GNAZ: variants seen among roughly 807,000 people sequenced by gnomAD.
GNAZ encodes guanine nucleotide-binding protein G(z) subunit alpha.
A neutral mutation model predicts 25.4 loss-of-function variants in GNAZ; 3 were observed. The observed-to-expected ratio is 0.12, with a 90% CI of 0.05 to 0.30. The LOEUF (loss-of-function observed/expected upper bound fraction) is 0.30. Ranked by LOEUF, GNAZ falls within the 10% of genes least tolerant of loss-of-function variation. The pLI is 1.00. For synonymous variants in GNAZ, 211 were observed against 205.7 expected, an observed-to-expected ratio of 1.03 and a Z score of -0.22; for missense variants, 241 against 501.8, an observed-to-expected ratio of 0.48 and a Z score of 4.97.
chr22:23,121,208 C>G (rs2070016175), intron 2 of GNAZ, among the ~76,000 whole-genome samples: 1 of 152,226 alleles, frequency 6.6e-6, no homozygotes, highest in South Asian at 2.1e-4. Flanking sequence ...AGGCTGCTCA[C>G]TCCTCAGGAC....
intron 2 of GNAZ, among the ~76,000 whole-genome samples, chr22:23,118,491 G>A (rs910531217): frequency 3.7e-5 from 5 of 133,812 alleles, no homozygotes; most frequent in African/African-American, 7.8e-5. Flanking sequence ...CACCCCCCGC[G>A]GCTGCCTTGG....
intron 1 of GNAZ, among the ~76,000 whole-genome samples, chr22:23,089,210 T>C (rs1485339804): frequency 6.6e-6 from 1 of 152,204 alleles, no homozygotes; most frequent in Non-Finnish European, 1.5e-5. Context: ...TTCCCGCCCC[T>C]GGCTTAGCCG....
intron 2 of GNAZ, among the ~76,000 whole-genome samples, chr22:23,118,145 A>T (rs1286147622): frequency 1.3e-5 from 2 of 152,208 alleles, no homozygotes; most frequent in Non-Finnish European, 2.9e-5. Flanking sequence ...CTGTCTGAGC[A>T]GGAGCTCTCT....
In GNAZ at chr22:23,095,869, C is replaced by A; in HGVS notation, c.174C>A (p.Ser58Arg). 2 of 1,613,692 alleles carry A rather than the reference C, an allele frequency of 1.2e-6. No individual in the cohort carries two copies. Among genetic ancestry groups the A allele is most frequent in the Non-Finnish European group, 1.7e-6 (2 of 1,179,940 alleles). The change falls in exon 2 of 3, where the codon AGC becomes AGA. Residue 58 changes from serine to arginine, a missense_variant. Coordinates refer to ENST00000615612, the MANE Select transcript of GNAZ (RefSeq NM_002073.4). The stretch of plus-strand genomic sequence containing the variant: ...TCAAACAGATGAAGATCATCCACAG[C>A]GGCGGCTTCAACCTGGAGGCCTGCA... Reference protein sequence around the residue: ...TIVKQMKIIHSGGFNLEACKE... With the variant: ...TIVKQMKIIHRGGFNLEACKE...
chr22:23,095,926 C>T lies in GNAZ; in HGVS notation c.231C>T (p.Ala77=), dbSNP rs770602852. Residue 77 remains alanine, a synonymous_variant, in exon 2 of 3, where the codon GCC becomes GCT. Coordinates refer to ENST00000615612, the MANE Select transcript of GNAZ (RefSeq NM_002073.4). ...ACAAGCCCCTCATCATCTACAATGC[C>T]ATCGACTCGCTGACCCGCATCATCC... The part of the protein sequence containing the change: ...KEYKPLIIYN[A]IDSLTRIIRA... 7 of 1,613,366 alleles carry T rather than the reference C, an allele frequency of 4.3e-6. No individual in the cohort carries two copies. The East Asian group carries it at 1.6e-4, about 36-fold the overall frequency.
At chr22:23,082,307 C>T (rs1486223036) in intron 1 of GNAZ, among the ~76,000 whole-genome samples, 1 of 151,380 alleles carries the variant, frequency 6.6e-6, no homozygotes, top group Non-Finnish European at 1.5e-5. Context: ...ACCTCCGCCT[C>T]CCAGGTTCAA....
intron 2 of GNAZ, among the ~76,000 whole-genome samples, chr22:23,117,850 C>T (rs117189542): frequency 9.8e-5 from 15 of 152,336 alleles, no homozygotes; most frequent in Non-Finnish European, 1.5e-5. Context: ...CCAGGAGAAC[C>T]TTGGTGGAGA....
intron 2 of GNAZ, among the ~76,000 whole-genome samples, chr22:23,103,916 C>T (rs2069379930): frequency 1.3e-5 from 2 of 152,220 alleles, no homozygotes; most frequent in Non-Finnish European, 2.9e-5. Context: ...CTCTCTGTGA[C>T]TGGCCCTGAG....
chr22:23,119,905 TAGTC>T (rs1370909228), intron 2 of GNAZ, among the ~76,000 whole-genome samples: 1 of 152,210 alleles, frequency 6.6e-6, no homozygotes, highest in Non-Finnish European at 1.5e-5. Flanking sequence ...CACTAAATAT[TAGTC>T]AGTGTGGTTC....
At chr22:23,084,986 C>T (rs2068779330) in intron 1 of GNAZ, among the ~76,000 whole-genome samples, 1 of 152,196 alleles carries the variant, frequency 6.6e-6, no homozygotes, top group Non-Finnish European at 1.5e-5. Flanking sequence ...GCCATACCAA[C>T]CCCCATCCTG....
chr22:23,093,679 T>C (rs1352504881), intron 1 of GNAZ, among the ~76,000 whole-genome samples: 1 of 152,160 alleles, frequency 6.6e-6, no homozygotes, highest in African/African-American at 2.4e-5. Context: ...GGCTCTGAGA[T>C]GGGAGTAAGT....
intron 2 of GNAZ, among the ~76,000 whole-genome samples, chr22:23,117,545 TC>T (rs1206247107): frequency 6.6e-6 from 1 of 152,168 alleles, no homozygotes; most frequent in Non-Finnish European, 1.5e-5. Flanking sequence ...AAGCAGGTCT[TC>T]CGATGAGACC....
chr22:23,075,250 G>A (rs2068480435), intron 1 of GNAZ, among the ~76,000 whole-genome samples: 1 of 152,168 alleles, frequency 6.6e-6, no homozygotes, highest in Non-Finnish European at 1.5e-5. Flanking sequence ...GGACTTTCAG[G>A]GCCGCTGGAG....
chr22:23,073,303 G>A (rs564844556), intron 1 of GNAZ, among the ~76,000 whole-genome samples: 167 of 152,338 alleles, frequency 1.1e-3, no homozygotes, highest in African/African-American at 3.8e-3. Context: ...AGCACAAAGC[G>A]AAATGAACAG....
intron 2 of GNAZ, among the ~76,000 whole-genome samples, chr22:23,115,518 G>A (rs2069802171): frequency 6.6e-6 from 1 of 152,172 alleles, no homozygotes; most frequent in African/African-American, 2.4e-5. Context: ...TCCTGGAGGG[G>A]GTCTCGGGTT....
intron 1 of GNAZ, among the ~76,000 whole-genome samples, chr22:23,078,909 C>T (rs577670242): frequency 1.1e-4 from 16 of 152,288 alleles, no homozygotes; most frequent in South Asian, 4.1e-4. Flanking sequence ...TCCAGGTGGG[C>T]GGGGGCTGTG....
chr22:23,123,038 T>A (rs1306957843), intron 2 of GNAZ, 49 bp from the exon 3 acceptor site: 2 of 1,274,774 alleles, frequency 1.6e-6, no homozygotes, highest in Admixed American at 1.7e-5. Context: ...CTAGGGTCTG[T>A]CTCTGCCTGC....
intron 2 of GNAZ, 109 bp downstream of exon 2, chr22:23,096,527 C>A: frequency 8.4e-7 from 1 of 1,188,538 alleles, no homozygotes; most frequent in Non-Finnish European, 1.2e-6. Context: ...GGGAACCAGG[C>A]GCAGGCCTGG....
chr22:23,094,880 C>T (rs890714574), intron 1 of GNAZ, among the ~76,000 whole-genome samples: 11 of 152,366 alleles, frequency 7.2e-5, no homozygotes, highest in African/African-American at 2.2e-4. Context: ...AGGCTGAGCT[C>T]TATCAGTGCT....
Sources: gnomAD v4.1 joint callset for allele counts (sites outside exome capture counted in the v4.1 genomes callset) on GRCh38, gnomAD v4.1.1 for gene constraint, MANE v1.5 for transcripts, NCBI Gene and HGNC (gene_info 2026-07-23, HGNC 2026-07-21) for gene names.